TRMT10B: variants seen among roughly 807,000 people sequenced by gnomAD.
TRMT10B encodes the protein tRNA methyltransferase 10B.
Under a neutral mutation model 43.8 loss-of-function variants are expected in TRMT10B, and 33 were observed. The ratio of observed to expected loss-of-function variants is 0.75; its 90% CI spans 0.57 to 1.01. TRMT10B has a LOEUF of 1.01. Among genes scored for constraint, TRMT10B ranks in the 50% least tolerant of loss-of-function variants. The probability of loss-of-function intolerance (pLI) is 0.00; values close to 1 mark genes in which losing one functional copy is unlikely to be tolerated. For synonymous variants in TRMT10B, 137 were observed against 130.6 expected, an observed-to-expected ratio of 1.05 and a Z score of -0.34; for missense variants, 362 against 369.8, an observed-to-expected ratio of 0.98 and a Z score of 0.17.
intron 3 of TRMT10B, among the ~76,000 whole-genome samples, chr9:37,763,141 CTCA>C (rs1826558866): frequency 1.6e-5 from 1 of 64,042 alleles, no homozygotes; most frequent in African/African-American, 6.6e-5. Flanking sequence ...GAGACTCTGT[CTCA>C]AAAAAAAAAA....
chr9:37,777,513 T>G (rs1425132212), intron 8 of TRMT10B, 88 bp from the exon 9 acceptor site: 1 of 1,152,942 alleles, frequency 8.7e-7, no homozygotes, highest in Non-Finnish European at 1.3e-6. Flanking sequence ...ATAGGTTTGT[T>G]GAACGAAATA....
chr9:37,767,539 A>G (rs928200736), intron 4 of TRMT10B: 8 of 147,152 alleles, frequency 5.4e-5, no homozygotes, highest in Admixed American at 2.7e-4. Flanking sequence ...AAAAAAATCC[A>G]TATTGTTAAA....
rs7044638 is a variant in TRMT10B, at chr9:37,773,975, C to A, written c.721-2307C>A. Among the ~76,000 whole-genome samples, 967 of 120,970 alleles carry A rather than the reference C, an allele frequency of 8.0e-3. 15 individuals are homozygous for A. The highest frequency in any genetic ancestry group is 0.03 in the African/African-American group (890 of 30,148). 79.4% of individuals were successfully genotyped at this position (120,970 alleles called of 152,430 possible). A position where few individuals can be genotyped will look rare whatever the true frequency, so the allele number is the denominator to read the frequency against. ...TGTCTCTAAAAAAAAAAAAAAAAAACAACAATAATAATAATTAAAAGTTTA... is the reference window on the plus strand; with the variant it reads ...TGTCTCTAAAAAAAAAAAAAAAAAAAAACAATAATAATAATTAAAAGTTTA... On this transcript the variant is annotated intron_variant, in intron 7 of 8. Transcript: ENST00000297994.
At chr9:37,767,080 T>C (rs967313673) in intron 4 of TRMT10B, 1 of 152,186 alleles carries the variant, frequency 6.6e-6, no homozygotes, top group Non-Finnish European at 1.5e-5. Flanking sequence ...CATCACAGTA[T>C]GTAAATTGTA....
At chr9:37,770,863 A>G (rs992972096) in intron 7 of TRMT10B, 124 bp downstream of exon 7, 65 of 1,000,318 alleles carry the variant, frequency 6.5e-5, no homozygotes, top group Non-Finnish European at 8.8e-5. Context: ...AGAAAGAGCC[A>G]TCCCCACCAG....
chr9:37,768,803 G>C (rs1268917550), intron 5 of TRMT10B, among the ~76,000 whole-genome samples: 1 of 152,190 alleles, frequency 6.6e-6, no homozygotes, highest in Non-Finnish European at 1.5e-5. Context: ...GCGCGGGGCT[G>C]CACAGCCAGC....
intron 2 of TRMT10B, 67 bp downstream of exon 2, chr9:37,762,184 A>G (rs1226587891): frequency 6.7e-7 from 1 of 1,483,530 alleles, no homozygotes; most frequent in African/African-American, 1.4e-5. Context: ...CCCTGTTTTA[A>G]AGATGGATAC....
intron 7 of TRMT10B, among the ~76,000 whole-genome samples, chr9:37,772,493 C>T (rs1827696884): frequency 6.6e-6 from 1 of 152,054 alleles, no homozygotes; most frequent in African/African-American, 2.4e-5. Context: ...CTCACTGTGT[C>T]CAGCCTTGAA....
intron 7 of TRMT10B, 47 bp from the exon 8 acceptor site, chr9:37,776,235 C>T: frequency 1.5e-6 from 2 of 1,371,234 alleles, no homozygotes; most frequent in East Asian, 2.7e-5. Context: ...TGAGAATATA[C>T]TCATGTATAA....
chr9:37,760,787 T>G (rs986982483), intron 1 of TRMT10B, among the ~76,000 whole-genome samples: 1 of 152,202 alleles, frequency 6.6e-6, no homozygotes, highest in Admixed American at 6.5e-5. Context: ...TAACACTTTT[T>G]AAGATATATT....
At chr9:37,768,693 A>G (rs1345419314) in intron 5 of TRMT10B, among the ~76,000 whole-genome samples, 1 of 152,214 alleles carries the variant, frequency 6.6e-6, no homozygotes, top group Non-Finnish European at 1.5e-5. Context: ...CTCAAATGTC[A>G]CTGAAAATGC....
Position 37,763,816 on chromosome 9 carries a change from T to TA in TRMT10B, c.420+63_420+64insA, listed in dbSNP as rs748604279. 2.5e-6 allele frequency: 4 copies of TA among 1,611,374 alleles called. No homozygotes were observed. The South Asian group carries it at 4.4e-5, about 18-fold the overall frequency. ...TGAGGGAGGCCCAGAAGGGTACAGC[T>TA]TTCCGAAGAATATGGTCAACTCCAG... On this transcript the variant is annotated intron_variant, in intron 4 of 8. Coordinates refer to ENST00000297994, the MANE Select transcript of TRMT10B (RefSeq NM_144964.4).
Position 37,770,712 on chromosome 9 carries a change from T to G in TRMT10B, c.693T>G (p.Gly231=). The change falls in exon 7 of 9, where the codon GGT becomes GGG. Residue 231 remains glycine, a synonymous_variant. Coordinates refer to ENST00000297994, the MANE Select transcript of TRMT10B (RefSeq NM_144964.4). ...DVDLNKVYIL[G]GLVDESIQKK... ...ATCTAAACAAAGTTTACATCCTCGG[T>G]GGGCTTGTGGATGAAAGCATTCAGA... The G allele has an allele frequency of 1.2e-6, 2 of 1,614,066 alleles. No individual in the cohort carries two copies. Among genetic ancestry groups the G allele is most frequent in the South Asian group, 1.1e-5 (1 of 91,056 alleles).
At chr9:37,758,802 C>T (rs958425558) in intron 1 of TRMT10B, among the ~76,000 whole-genome samples, 2 of 152,154 alleles carry the variant, frequency 1.3e-5, no homozygotes, top group South Asian at 2.1e-4. Flanking sequence ...AGACTGTAAT[C>T]CTTGAGGGAA....
chr9:37,763,539 A>G, intron 3 of TRMT10B, 90 bp from the exon 4 acceptor site: 1 of 1,145,612 alleles, frequency 8.7e-7, no homozygotes, highest in Non-Finnish European at 1.3e-6. Flanking sequence ...TTCTCTTTAT[A>G]TGCAAAATAC....
chr9:37,767,563 T>C (rs1464785866), intron 4 of TRMT10B: 1 of 132,034 alleles, frequency 7.6e-6, no homozygotes, highest in Non-Finnish European at 1.6e-5. Flanking sequence ...AGATAGCAGA[T>C]TAAATCAAAC....
At position 37,754,976 on chromosome 9, in the gene TRMT10B, A is replaced by T. The variant is rs367782994; in HGVS notation, c.-30+1124A>T. 6.6e-5 allele frequency among the ~76,000 whole-genome samples: 10 copies of T among 152,334 alleles called. 1 individual carries two copies. Among genetic ancestry groups the T allele is most frequent in the African/African-American group, 2.4e-4 (10 of 41,574 alleles). Reference sequence around the variant, plus strand: ...CCAGGATTGGGGAAGGGAGAGTTATATAAAGGTCACAGGGTCGGGTGTGGT... The same window carrying T: ...CCAGGATTGGGGAAGGGAGAGTTATTTAAAGGTCACAGGGTCGGGTGTGGT... On this transcript the variant is annotated intron_variant, in intron 1 of 8. Transcript: ENST00000297994.
Position 37,762,925 on chromosome 9 carries a change from A to G in TRMT10B, c.295+240A>G, listed in dbSNP as rs562971974. Among the ~76,000 whole-genome samples, 3 of 148,826 alleles carry G rather than the reference A, an allele frequency of 2.0e-5. No individual in the cohort carries two copies. In the East Asian group the frequency reaches 6.0e-4, roughly 30 times the overall value. Reference sequence around the variant, plus strand: ...AGGTGGGTGGATTTGCGAGGTCAGGAGATCGAGACCGTCCTGGATAACACG... The same window carrying G: ...AGGTGGGTGGATTTGCGAGGTCAGGGGATCGAGACCGTCCTGGATAACACG... On this transcript the variant is annotated intron_variant, in intron 3 of 8. Transcript: ENST00000297994.
intron 1 of TRMT10B, among the ~76,000 whole-genome samples, chr9:37,761,496 C>T (rs1460344141): frequency 3.3e-5 from 5 of 152,096 alleles, no homozygotes; most frequent in Non-Finnish European, 5.9e-5. Context: ...GTCAGGAGTC[C>T]GAGACCAGCC....
Sources: gnomAD v4.1 joint callset for allele counts (sites outside exome capture counted in the v4.1 genomes callset) on GRCh38, gnomAD v4.1.1 for gene constraint, MANE v1.5 for transcripts, NCBI Gene and HGNC (gene_info 2026-07-23, HGNC 2026-07-21) for gene names.